Variants in PCDH11X observed in about 807,000 individuals in gnomAD.
PCDH11X encodes protocadherin-11 X-linked.
A neutral mutation model predicts 53.3 loss-of-function variants in PCDH11X; 18 were observed. The observed-to-expected ratio is 0.34, with a 90% CI of 0.23 to 0.50. PCDH11X has a LOEUF of 0.50. Among genes scored for constraint, PCDH11X ranks in the 20% least tolerant of loss-of-function variants. The pLI is 0.98. For synonymous variants in PCDH11X, 279 were observed against 393.3 expected, an observed-to-expected ratio of 0.71 and a Z score of 3.44; for missense variants, 570 against 1,032.4, an observed-to-expected ratio of 0.55 and a Z score of 6.14.
At chrX:92,290,266 A>G (rs1291490516) in intron 8 of PCDH11X, among the ~76,000 whole-genome samples, 2 of 111,801 alleles carry the variant, frequency 1.8e-5, no homozygotes, top group Non-Finnish European at 3.8e-5. Flanking sequence ...TCAAATGGTT[A>G]TTTTTCCATC....
At chrX:92,515,233 T>C (rs1218286180) in intron 10 of PCDH11X, 1 of 107,517 alleles carries the variant, frequency 9.3e-6, no homozygotes, top group Admixed American at 1.0e-4. Context: ...TCTCATTTCT[T>C]ATTATTTCAT....
At chrX:92,222,345 A>G (rs2066897237) in intron 7 of PCDH11X, among the ~76,000 whole-genome samples, 1 of 111,863 alleles carries the variant, frequency 8.9e-6, no homozygotes, top group South Asian at 3.7e-4. Context: ...TGTAAAAGAA[A>G]AAATACTACA....
chrX:92,422,134 C>CTTTTTTTTTTTTTT (rs67131959), intron 9 of PCDH11X, among the ~76,000 whole-genome samples: 1 of 86,331 alleles, frequency 1.2e-5, no homozygotes, highest in African/African-American at 4.3e-5. Flanking sequence ...AATTTCTTTT[C>CTTTTTTTTTTTTTT]TTTTTTTTTT....
intron 10 of PCDH11X, among the ~76,000 whole-genome samples, chrX:92,542,288 G>A (rs2750969): frequency 0.015 from 1,626 of 111,088 alleles, 30 homozygotes; most frequent in African/African-American, 0.044. Flanking sequence ...TCACTTTTGC[G>A]TCAATATTAG....
intron 4 of PCDH11X, among the ~76,000 whole-genome samples, chrX:91,816,696 G>A (rs79569713): frequency 1.8e-5 from 2 of 111,278 alleles, no homozygotes; most frequent in Non-Finnish European, 3.8e-5. Flanking sequence ...ATATATTTAA[G>A]GAAGGATGAG....
intron 6 of PCDH11X, among the ~76,000 whole-genome samples, chrX:91,971,742 ATCTGT>A (rs1436851863): frequency 8.9e-6 from 1 of 111,887 alleles, no homozygotes; most frequent in Non-Finnish European, 1.9e-5. Context: ...CCAGTAGCTG[ATCTGT>A]TCAGTTTTAA....
intron 5 of PCDH11X, among the ~76,000 whole-genome samples, chrX:91,845,540 C>T (rs1000957831): frequency 9.1e-6 from 1 of 109,919 alleles, no homozygotes; most frequent in African/African-American, 3.3e-5. Flanking sequence ...TATAGGAATG[C>T]ACCTTTTTAA....
chrX:92,582,869 T>C (rs1265094087), intron 10 of PCDH11X, among the ~76,000 whole-genome samples: 1 of 109,038 alleles, frequency 9.2e-6, no homozygotes, highest in East Asian at 2.9e-4. Flanking sequence ...ATGTGAGACA[T>C]GGAGTCAAAG....
At chrX:91,868,287 G>C (rs993472396) in intron 5 of PCDH11X, among the ~76,000 whole-genome samples, 8 of 111,890 alleles carry the variant, frequency 7.1e-5, no homozygotes, top group African/African-American at 2.6e-4. Flanking sequence ...GTGATCCACA[G>C]ACAAATTTGT....
intron 6 of PCDH11X, among the ~76,000 whole-genome samples, chrX:92,105,511 C>T (rs1296729296): frequency 8.2e-5 from 9 of 109,946 alleles, no homozygotes; most frequent in Non-Finnish European, 1.3e-4. Flanking sequence ...CACCTGGGTG[C>T]AGGCGGGCTG....
chrX:92,339,190 T>C (rs1285889838), intron 8 of PCDH11X, among the ~76,000 whole-genome samples: 1 of 112,012 alleles, frequency 8.9e-6, no homozygotes, highest in Non-Finnish European at 1.9e-5. Flanking sequence ...ATTCAATAAA[T>C]GCTGCTAGGA....
chrX:92,361,671 A>C (rs923645161), intron 8 of PCDH11X, among the ~76,000 whole-genome samples: 37 of 108,662 alleles, frequency 3.4e-4, no homozygotes, highest in Non-Finnish European at 7.1e-4. Context: ...TACAGATAAC[A>C]TAAAACTTAC....
chrX:92,082,065 C>A (rs2063865678), intron 6 of PCDH11X, among the ~76,000 whole-genome samples: 1 of 110,955 alleles, frequency 9.0e-6, no homozygotes, highest in African/African-American at 3.3e-5. Context: ...AATAGTTTAA[C>A]AATTTTTTCA....
rs189623988 is a variant in PCDH11X, at chrX:92,438,671, A to C, written c.3344-29628A>C. On this transcript the variant is annotated intron_variant, in intron 9 of 10. Coordinates refer to ENST00000682573, the MANE Select transcript of PCDH11X (RefSeq NM_032968.5). ...TTTTTATATCTGAAGATGAAGGGTC[A>C]CAGAGAAGGAGTTGAACCAGCAGGT... 9.0e-3 allele frequency among the ~76,000 whole-genome samples: 1,001 copies of C among 111,619 alleles called. 15 individuals are homozygous for C. The highest frequency in any genetic ancestry group is 0.031 in the African/African-American group (953 of 30,765).
intron 6 of PCDH11X, among the ~76,000 whole-genome samples, chrX:92,188,472 A>G (rs1475175511): frequency 9.0e-6 from 1 of 111,300 alleles, no homozygotes; most frequent in Non-Finnish European, 1.9e-5. Flanking sequence ...GCTAAGGGAG[A>G]ACAAGTCCAA....
In PCDH11X at chrX:91,886,927, C is replaced by T. The variant is rs1213119900; in HGVS notation, c.3033+7654C>T. ...CGGAGCTTGCAGTGAGCCAAGATGGCGCCACTGCACTCCAGCCTGGGCGAC... is the reference window on the plus strand; with the variant it reads ...CGGAGCTTGCAGTGAGCCAAGATGGTGCCACTGCACTCCAGCCTGGGCGAC... On this transcript the variant is annotated intron_variant, in intron 6 of 10. Coordinates refer to ENST00000682573, the MANE Select transcript of PCDH11X (RefSeq NM_032968.5). 7.1e-5 allele frequency among the ~76,000 whole-genome samples: 7 copies of T among 98,981 alleles called. No homozygotes were observed. The South Asian group carries it at 2.5e-3, about 35-fold the overall frequency. The allele number at this position is 98,981 out of a possible 115,157, so 86.0% of individuals were successfully genotyped here. A position where few individuals can be genotyped will look rare whatever the true frequency, so the allele number is the denominator to read the frequency against.
intron 6 of PCDH11X, among the ~76,000 whole-genome samples, chrX:92,089,357 T>A (rs2148116073): frequency 9.0e-6 from 1 of 110,594 alleles, no homozygotes; most frequent in African/African-American, 3.3e-5. Flanking sequence ...GCTCACATAG[T>A]CATATATAAT....
intron 7 of PCDH11X, among the ~76,000 whole-genome samples, chrX:92,213,595 A>G (rs2066631467): frequency 8.9e-6 from 1 of 111,756 alleles, no homozygotes; most frequent in Non-Finnish European, 1.9e-5. Context: ...GTGACCTGAC[A>G]TCCCACGATT....
At chrX:92,497,297 C>T (rs1211053245) in intron 10 of PCDH11X, among the ~76,000 whole-genome samples, 1 of 110,782 alleles carries the variant, frequency 9.0e-6, no homozygotes, top group Non-Finnish European at 1.9e-5. Flanking sequence ...TAAGACAAGG[C>T]TGAAGAACAA....
Sources: gnomAD v4.1 joint callset for allele counts (sites outside exome capture counted in the v4.1 genomes callset) on GRCh38, gnomAD v4.1.1 for gene constraint, MANE v1.5 for transcripts, NCBI Gene and HGNC (gene_info 2026-07-23, HGNC 2026-07-21) for gene names.